Variants in GRIN2D observed in about 807,000 individuals in gnomAD.
GRIN2D encodes glutamate receptor ionotropic, NMDA 2D.
GRIN2D carries 37 observed loss-of-function variants against 103.2 expected under a neutral mutation model. The observed-to-expected ratio is 0.36, with a 90% CI of 0.28 to 0.47. GRIN2D has a LOEUF of 0.47. Ranked by LOEUF, GRIN2D falls within the 20% of genes least tolerant of loss-of-function variation. GRIN2D has a pLI of 1.00. For missense variants in GRIN2D, 1,557 were observed against 1,910.6 expected (o/e 0.81, Z 3.45); for synonymous variants, 845 against 885.6 (o/e 0.95, Z 0.81).
rs1024329438 is a variant in GRIN2D, at chr19:48,394,606, C to T, written c.-305-52C>T. Among the ~76,000 whole-genome samples, 5 of 151,930 alleles carry T rather than the reference C, an allele frequency of 3.3e-5. No homozygotes were observed. Among genetic ancestry groups the T allele is most frequent in the African/African-American group, 7.3e-5 (3 of 41,346 alleles). ...AGGGGGGATCCCCACGGGGTCGGGG[C>T]GGCAAGAGGACACCCCGACAGCCTC... On this transcript the variant is annotated intron_variant, in intron 1 of 13. Transcript: ENST00000263269. This position sits in a 1 kb window ranked among gnomAD's most constrained non-coding sequence, Gnocchi z 5.1.
intron 4 of GRIN2D, among the ~76,000 whole-genome samples, chr19:48,408,191 A>G (rs938155335): frequency 2.0e-5 from 3 of 151,780 alleles, no homozygotes; most frequent in Non-Finnish European, 2.9e-5. Flanking sequence ...AAAATTAGCC[A>G]GGCGTGGTGG....
chr19:48,428,380 G>A (rs1376376835), intron 11 of GRIN2D, among the ~76,000 whole-genome samples: 3 of 119,674 alleles, frequency 2.5e-5, no homozygotes, highest in Non-Finnish European at 5.0e-5. Flanking sequence ...TTTTAATTGA[G>A]ACGGACTTTC....
At chr19:48,438,361 C>T (rs372289196) in intron 11 of GRIN2D, among the ~76,000 whole-genome samples, 35 of 125,078 alleles carry the variant, frequency 2.8e-4, no homozygotes, top group East Asian at 8.0e-4. Flanking sequence ...TGTAGTGGTG[C>T]GATCTCGGCT....
At chr19:48,398,996 C>A in intron 3 of GRIN2D, 139 bp downstream of exon 3, 1 of 815,608 alleles carries the variant, frequency 1.2e-6, no homozygotes, top group Non-Finnish European at 1.7e-6. Flanking sequence ...ACAAGGTGGG[C>A]CCAGATGGTA....
intron 2 of GRIN2D, among the ~76,000 whole-genome samples, chr19:48,395,518 G>A (rs559994592): frequency 2.6e-5 from 4 of 152,006 alleles, no homozygotes; most frequent in Admixed American, 2.6e-4. Context: ...GGGAGGTGAG[G>A]GGGGAGGAAA....
In GRIN2D at chr19:48,394,450, G is replaced by T. The variant is rs1970608300; in HGVS notation, c.-305-208G>T. On this transcript the variant is annotated intron_variant, in intron 1 of 13. Coordinates refer to ENST00000263269, the MANE Select transcript of GRIN2D (RefSeq NM_000836.4). The surrounding 1 kb of genome is among the most constrained non-coding windows in gnomAD (Gnocchi z 5.1). Reference sequence around the variant, plus strand: ...GACAGACAGATAGACACAGACGCTGGAAGGGGGGGTGGGGGGGCTGAGGGC... The same window carrying T: ...GACAGACAGATAGACACAGACGCTGTAAGGGGGGGTGGGGGGGCTGAGGGC... Among the ~76,000 whole-genome samples, 1 of 145,120 alleles carries T rather than the reference G, an allele frequency of 6.9e-6. No homozygotes were observed. The highest frequency in any genetic ancestry group is 1.5e-5 in the Non-Finnish European group (1 of 65,394).
rs546650647 is a variant in GRIN2D at position 48,421,607 on chromosome 19, C to G, written c.2092-178C>G. 3.9e-5 allele frequency among the ~76,000 whole-genome samples: 6 copies of G among 152,100 alleles called. No homozygotes were observed. The highest frequency in any genetic ancestry group is 1.5e-5 in the Non-Finnish European group (1 of 68,018). On this transcript the variant is annotated intron_variant, in intron 10 of 13. Coordinates refer to ENST00000263269, the MANE Select transcript of GRIN2D (RefSeq NM_000836.4). The surrounding 1 kb of genome is among the most constrained non-coding windows in gnomAD (Gnocchi z 4.8). The stretch of plus-strand genomic sequence containing the variant: ...AACTTTTGGATCACGTGTCTGCAAC[C>G]GTGTGTGCTGGGTGGGAGTGGAAAA...
At chr19:48,413,411 G>A (rs1337305512) in intron 4 of GRIN2D, among the ~76,000 whole-genome samples, 2 of 151,774 alleles carry the variant, frequency 1.3e-5, no homozygotes, top group Admixed American at 6.6e-5. Context: ...ACCAGGAGGC[G>A]GAGGTTGCAG....
Position 48,442,378 on chromosome 19 carries a change from C to T in GRIN2D, c.2669C>T (p.Ser890Phe). ...THRMDFLLAF[S>F]RGMYSCCSAE... ...CGCATGGACTTCCTGCTGGCCTTCT[C>T]CAGGGTATGGGGCAGAGAGGGAGGC... Residue 890 changes from serine (S) to phenylalanine (F), a missense_variant, in exon 13 of 14, where the codon TCC becomes TTC. By Grantham distance (155) the Ser-to-Phe change is radical. Around this residue, in one of 7 missense-constraint regions of GRIN2D, gnomAD observed 632 missense variants for 572.8 expected, o/e 1.10. Transcript: ENST00000263269. This position sits in a 1 kb window ranked among gnomAD's most constrained non-coding sequence, Gnocchi z 7.2. 1 of 1,609,662 alleles carries T rather than the reference C, an allele frequency of 6.2e-7. No individual in the cohort carries two copies. The highest frequency in any genetic ancestry group is 1.1e-5 in the South Asian group (1 of 91,040).
intron 4 of GRIN2D, among the ~76,000 whole-genome samples, chr19:48,409,330 G>C (rs1970828091): frequency 6.9e-6 from 1 of 145,576 alleles, no homozygotes; most frequent in Non-Finnish European, 1.5e-5. Flanking sequence ...CCAGGCGGGA[G>C]TGCAGTGATG....
At chr19:48,422,054 T>C (rs1971031964) in intron 11 of GRIN2D, 109 bp downstream of exon 11, 3 of 1,120,664 alleles carry the variant, frequency 2.7e-6, no homozygotes, top group Admixed American at 2.4e-5. Context: ...AGGTCAGCCC[T>C]GGGTGGGTCA....
chr19:48,405,224 G>A lies in GRIN2D; in HGVS notation c.956G>A (p.Arg319Gln). ...SAGWRDDLARRVAAGVAVVAR... is the reference protein window; with the variant it reads ...SAGWRDDLARQVAAGVAVVAR... Reference sequence around the variant, plus strand: ...GGCTGGCGGGATGACCTGGCTCGGCGAGTGGCAGCTGGCGTGGCCGTAGTG... The same window carrying A: ...GGCTGGCGGGATGACCTGGCTCGGCAAGTGGCAGCTGGCGTGGCCGTAGTG... The change falls in exon 4 of 14, where the codon CGA becomes CAA. Residue 319 changes from arginine (R) to glutamine (Q), a missense_variant. This residue lies in a region of GRIN2D where 490 missense variants were observed against 601.1 expected (regional missense o/e 0.82). Coordinates refer to ENST00000263269, the MANE Select transcript of GRIN2D (RefSeq NM_000836.4). This position sits in a 1 kb window ranked among gnomAD's most constrained non-coding sequence, Gnocchi z 5.1. 2.5e-6 allele frequency: 4 copies of A among 1,599,174 alleles called. No homozygotes were observed. The highest frequency in any genetic ancestry group is 1.1e-5 in the South Asian group (1 of 90,242).
Position 48,405,116 on chromosome 19 carries a change from G to T in GRIN2D, c.848G>T (p.Gly283Val). ...GTGGGGCCCCAGCTGGCTGGAGGCG[G>T]GGGCTCTGGGGCCCCTGGTGAGCCC... ...FMVGPQLAGG[G>V]GSGAPGEPPL... Residue 283 changes from glycine (G) to valine (V), a missense_variant, in exon 4 of 14, where the codon GGG becomes GTG. This residue lies in a region of GRIN2D where 490 missense variants were observed against 601.1 expected (regional missense o/e 0.82). Coordinates refer to ENST00000263269, the MANE Select transcript of GRIN2D (RefSeq NM_000836.4). The surrounding 1 kb of genome is among the most constrained non-coding windows in gnomAD (Gnocchi z 5.1). The T allele has an allele frequency of 6.3e-7, 1 of 1,581,778 alleles. No individual in the cohort carries two copies. The highest frequency in any genetic ancestry group is 8.6e-7 in the Non-Finnish European group (1 of 1,164,452).
chr19:48,399,694 G>T (rs1366859867), intron 3 of GRIN2D, among the ~76,000 whole-genome samples: 1 of 152,210 alleles, frequency 6.6e-6, no homozygotes, highest in Non-Finnish European at 1.5e-5. Context: ...GGCCGGTAGA[G>T]CATAGGGTCT....
At chr19:48,426,220 C>CTTTTTTTTTTTTTT (rs1253186603) in intron 11 of GRIN2D, among the ~76,000 whole-genome samples, 11 of 127,106 alleles carry the variant, frequency 8.7e-5, no homozygotes, top group African/African-American at 3.1e-4. Flanking sequence ...TTCTTTCTTT[C>CTTTTTTTTTTTTTT]TTTCTTTTTT....
intron 4 of GRIN2D, among the ~76,000 whole-genome samples, chr19:48,412,420 G>GA (rs1300447554): frequency 6.0e-4 from 57 of 95,068 alleles, no homozygotes; most frequent in African/African-American, 1.9e-3. Context: ...GAAAGAGAAA[G>GA]AAAAGAAAGA....
At chr19:48,400,758 T>C (rs1970702195) in intron 3 of GRIN2D, among the ~76,000 whole-genome samples, 2 of 152,170 alleles carry the variant, frequency 1.3e-5, no homozygotes, top group South Asian at 2.1e-4. Flanking sequence ...GAGGTTCTCC[T>C]TGCATTACAA....
At position 48,414,875 on chromosome 19, in the gene GRIN2D, A is replaced by C; in HGVS notation, c.1424A>C (p.Asp475Ala). Residue 475 changes from aspartate (D) to alanine (A), a missense_variant, in exon 7 of 14, where the codon GAT (aspartate) becomes GCT (alanine). This residue lies in a region of GRIN2D where 197 missense variants were observed against 334.1 expected (regional missense o/e 0.59). Coordinates refer to ENST00000263269, the MANE Select transcript of GRIN2D (RefSeq NM_000836.4). This position sits in a 1 kb window ranked among gnomAD's most constrained non-coding sequence, Gnocchi z 4.6. Reference sequence around the variant, plus strand: ...GTCACTGCCCGCAGCCCTCCACCGGATGCCCCCCGCCCGGAAAAGCGCTGC... The same window carrying C: ...GTCACTGCCCGCAGCCCTCCACCGGCTGCCCCCCGCCCGGAAAAGCGCTGC... The part of the protein sequence containing the change: ...QLNRTHSPPP[D>A]APRPEKRCCK... 3.1e-6 allele frequency: 5 copies of C among 1,614,058 alleles called. No homozygotes were observed. In the South Asian group the frequency reaches 3.3e-5, roughly 11 times the overall value.
Position 48,419,579 on chromosome 19 carries a change from C to G in GRIN2D, c.1862-6C>G, listed in dbSNP as rs1358060229. 6.2e-7 allele frequency: 1 copy of G among 1,606,880 alleles called. No homozygotes were observed. The highest frequency in any genetic ancestry group is 1.1e-5 in the South Asian group (1 of 90,902). ...GGGTCCATGTCCACGTCCTGGCCCC[C>G]TGCAGGCCCTGGCGGTTCAACCTTC... is the stretch of plus-strand genomic sequence containing the variant. On this transcript the variant is annotated splice_region_variant and splice_polypyrimidine_tract_variant and intron_variant, in intron 9 of 13. Coordinates refer to ENST00000263269, the MANE Select transcript of GRIN2D (RefSeq NM_000836.4).
Sources: gnomAD v4.1 joint callset for allele counts (sites outside exome capture counted in the v4.1 genomes callset) on GRCh38, gnomAD v4.1.1 for gene constraint, gnomAD v4.1.1 regional missense constraint, Gnocchi (gnomAD v3.1) non-coding constraint, MANE v1.5 for transcripts, NCBI Gene and HGNC (gene_info 2026-07-23, HGNC 2026-07-21) for gene names.